The following RSRC1 variants were observed in gnomAD, a reference collection of about 807,000 sequenced individuals.
The protein encoded by RSRC1 is arginine and serine rich coiled-coil 1, also known as serine/Arginine-related protein 53.
In RSRC1, 39 loss-of-function variants were observed where a neutral mutation model predicts 49.1. That is an observed-to-expected ratio of 0.79 (90% confidence interval 0.61 to 1.04). RSRC1 has a LOEUF of 1.04. Ranked by LOEUF, RSRC1 falls within the 50% of genes least tolerant of loss-of-function variation. RSRC1 has a pLI of 0.00. For synonymous variants in RSRC1, 143 were observed against 130.8 expected (o/e 1.09, Z -0.63); for missense variants, 388 against 402.4 (o/e 0.96, Z 0.31).
intron 7 of RSRC1, among the ~76,000 whole-genome samples, chr3:158,474,833 GTTTGACCAAATCTCCC>G (rs1738295928): frequency 6.6e-6 from 1 of 152,116 alleles, no homozygotes; most frequent in Admixed American, 6.5e-5. Context: ...TTATGTCATA[GTTTGACCAAATCTCCC>G]TGTGATGCTC....
At chr3:158,220,535 T>C (rs1722173630) in intron 4 of RSRC1, among the ~76,000 whole-genome samples, 1 of 151,638 alleles carries the variant, frequency 6.6e-6, no homozygotes, top group African/African-American at 2.4e-5. Context: ...TGAGTTAGAT[T>C]GATTATATGC....
intron 6 of RSRC1, among the ~76,000 whole-genome samples, chr3:158,439,411 A>T (rs1578479471): frequency 6.6e-6 from 1 of 152,142 alleles, no homozygotes; most frequent in Admixed American, 6.5e-5. Flanking sequence ...CTTGGAACCA[A>T]CCCAAATGTC....
At chr3:158,497,398 C>A (rs1739382995) in intron 7 of RSRC1, among the ~76,000 whole-genome samples, 1 of 144,942 alleles carries the variant, frequency 6.9e-6, no homozygotes, top group East Asian at 2.2e-4. Context: ...ATCCCTTGCC[C>A]CCCTCCCACT....
intron 7 of RSRC1, among the ~76,000 whole-genome samples, chr3:158,490,225 C>T (rs975820237): frequency 2.0e-5 from 3 of 152,162 alleles, no homozygotes; most frequent in Non-Finnish European, 2.9e-5. Flanking sequence ...GTTGGTACTA[C>T]AGGCATCCGC....
chr3:158,236,056 C>T (rs1723224035), intron 4 of RSRC1, among the ~76,000 whole-genome samples: 2 of 151,464 alleles, frequency 1.3e-5, no homozygotes, highest in Admixed American at 1.3e-4. Context: ...GCGGAGGTTG[C>T]AGTGAGCTGA....
intron 3 of RSRC1, among the ~76,000 whole-genome samples, chr3:158,162,217 G>A (rs1298290115): frequency 6.6e-6 from 1 of 152,118 alleles, no homozygotes; most frequent in East Asian, 1.9e-4. Flanking sequence ...AGTAAATCAT[G>A]TCTGTGAAAG....
At chr3:158,308,375 T>G (rs1334830507) in intron 5 of RSRC1, among the ~76,000 whole-genome samples, 2 of 151,916 alleles carry the variant, frequency 1.3e-5, no homozygotes, top group African/African-American at 4.8e-5. Context: ...ATTTTCATGC[T>G]TATTACTCTA....
At chr3:158,390,758 A>T (rs895420018) in intron 6 of RSRC1, among the ~76,000 whole-genome samples, 1 of 152,144 alleles carries the variant, frequency 6.6e-6, no homozygotes, top group Admixed American at 6.5e-5. Context: ...ATTTTAATAT[A>T]TTACAGTATT....
intron 6 of RSRC1, among the ~76,000 whole-genome samples, chr3:158,356,815 T>C (rs1731187826): frequency 6.6e-6 from 1 of 152,128 alleles, no homozygotes; most frequent in South Asian, 2.1e-4. Context: ...CAATTTTAAA[T>C]AATTTTATTT....
intron 4 of RSRC1, among the ~76,000 whole-genome samples, chr3:158,253,634 C>G (rs1476784209): frequency 1.3e-5 from 2 of 152,120 alleles, no homozygotes; most frequent in Non-Finnish European, 2.9e-5. Flanking sequence ...TTTCTCTCTA[C>G]ATAATCTGTC....
intron 3 of RSRC1, among the ~76,000 whole-genome samples, chr3:158,153,682 A>G (rs970601173): frequency 3.3e-5 from 5 of 152,232 alleles, no homozygotes; most frequent in South Asian, 2.1e-4. Flanking sequence ...TTTGACCAGC[A>G]TCTGAATAGG....
At chr3:158,417,121 A>C (rs1734780090) in intron 6 of RSRC1, among the ~76,000 whole-genome samples, 1 of 152,076 alleles carries the variant, frequency 6.6e-6, no homozygotes, top group Non-Finnish European at 1.5e-5. Flanking sequence ...TGCATCTATA[A>C]CATATCACTA....
chr3:158,413,967 C>T (rs938143155), intron 6 of RSRC1, among the ~76,000 whole-genome samples: 1 of 152,112 alleles, frequency 6.6e-6, no homozygotes, highest in Non-Finnish European at 1.5e-5. Flanking sequence ...ACATTTGAAC[C>T]AGCAATTCCA....
chr3:158,491,374 C>A lies in RSRC1; in HGVS notation c.652+30371C>A, dbSNP rs1318424935. Among the ~76,000 whole-genome samples, 6 of 152,146 alleles carry A rather than the reference C, an allele frequency of 3.9e-5. No individual in the cohort carries two copies. The South Asian group carries it at 8.3e-4, about 21-fold the overall frequency. ...ATGGAATGATGTAAACTTGAACTGA[C>A]TTTCACAGCCAGATCACTCAATCTA... is the stretch of plus-strand genomic sequence containing the variant. On this transcript the variant is annotated intron_variant, in intron 7 of 9. Transcript: ENST00000611884.
At chr3:158,432,293 C>T (rs755001403) in intron 6 of RSRC1, among the ~76,000 whole-genome samples, 5 of 151,858 alleles carry the variant, frequency 3.3e-5, no homozygotes, top group Non-Finnish European at 7.4e-5. Flanking sequence ...GCAAAACAGA[C>T]GTAGCTCTAA....
At chr3:158,417,089 G>A (rs1243152028) in intron 6 of RSRC1, among the ~76,000 whole-genome samples, 3 of 151,738 alleles carry the variant, frequency 2.0e-5, no homozygotes, top group African/African-American at 7.3e-5. Context: ...TGAAGCATTG[G>A]TCCCCACTCT....
intron 1 of RSRC1, among the ~76,000 whole-genome samples, chr3:158,119,493 ATTTG>A (rs1156499722): frequency 1.3e-5 from 2 of 152,152 alleles, no homozygotes; most frequent in Non-Finnish European, 2.9e-5. Flanking sequence ...TTAAATGGTT[ATTTG>A]TTTGTGAGGA....
rs1014140780 is a variant in RSRC1 at position 158,539,414 on chromosome 3, C to A, written c.759+2216C>A. Among the ~76,000 whole-genome samples, 1 of 152,008 alleles carries A rather than the reference C, an allele frequency of 6.6e-6. No homozygotes were observed. The highest frequency in any genetic ancestry group is 1.5e-5 in the Non-Finnish European group (1 of 67,964). ...TCTTTTGTCTGAGTAAATAGAGAAT[C>A]TGATAGTCCCTGATATATCATTGAG... On this transcript the variant is annotated intron_variant, in intron 8 of 9. Coordinates refer to ENST00000611884, the MANE Select transcript of RSRC1 (RefSeq NM_001271838.2). This position sits in a 1 kb window ranked among gnomAD's most constrained non-coding sequence, Gnocchi z 4.1.
intron 7 of RSRC1, among the ~76,000 whole-genome samples, chr3:158,528,031 A>G (rs568908345): frequency 4.6e-5 from 7 of 151,996 alleles, no homozygotes; most frequent in Admixed American, 2.0e-4. Flanking sequence ...GACTACATTT[A>G]TATATTCATA....
Sources: gnomAD v4.1 joint callset for allele counts (sites outside exome capture counted in the v4.1 genomes callset) on GRCh38, gnomAD v4.1.1 for gene constraint, Gnocchi (gnomAD v3.1) non-coding constraint, MANE v1.5 for transcripts, NCBI Gene and HGNC (gene_info 2026-07-23, HGNC 2026-07-21) for gene names.